MMD2: variants seen among roughly 807,000 people sequenced by gnomAD.
MMD2 encodes monocyte to macrophage differentiation factor 2.
Under a neutral mutation model 33.5 loss-of-function variants are expected in MMD2, and 30 were observed. The ratio of observed to expected loss-of-function variants is 0.90; its 90% CI spans 0.67 to 1.22. MMD2 has a LOEUF of 1.22. MMD2 is among the 50% of genes most tolerant of loss of function. The probability of loss-of-function intolerance (pLI) is 0.00; values close to 1 mark genes in which losing one functional copy is unlikely to be tolerated. For missense variants in MMD2, 364 were observed against 325.4 expected, an observed-to-expected ratio of 1.12 and a Z score of -0.91; for synonymous variants, 129 against 123.0, an observed-to-expected ratio of 1.05 and a Z score of -0.32.
intron 6 of MMD2, among the ~76,000 whole-genome samples, chr7:4,909,096 T>C (rs1304273886): frequency 6.6e-6 from 1 of 152,038 alleles, no homozygotes; most frequent in Non-Finnish European, 1.5e-5. Flanking sequence ...TGTTTTTGCT[T>C]CATGGCAAAA....
intron 4 of MMD2, among the ~76,000 whole-genome samples, chr7:4,912,131 A>T (rs184603577): frequency 5.9e-5 from 9 of 152,046 alleles, no homozygotes; most frequent in Admixed American, 1.3e-4. Context: ...AATAATAATT[A>T]AAAAATAAAA....
At position 4,940,450 on chromosome 7, in the gene MMD2, G is replaced by A. The variant is rs1190373647; in HGVS notation, c.48-14918C>T. 3.3e-5 allele frequency among the ~76,000 whole-genome samples: 5 copies of A among 152,228 alleles called. No homozygotes were observed. Among genetic ancestry groups the A allele is most frequent in the African/African-American group, 4.8e-5 (2 of 41,478 alleles). On this transcript the variant is annotated intron_variant, in intron 1 of 6. Coordinates refer to ENST00000401401, the MANE Select transcript of MMD2 (RefSeq NM_198403.4). This position sits in a 1 kb window ranked among gnomAD's most constrained non-coding sequence, Gnocchi z 5.0. ...GCGACCCTGAGTCCCTTGGACAGAG[G>A]ACTAGAGAGATTTGCCCGGGCTCCT...
At chr7:4,926,911 A>T (rs1264091151) in intron 1 of MMD2, among the ~76,000 whole-genome samples, 1 of 151,680 alleles carries the variant, frequency 6.6e-6, no homozygotes, top group Non-Finnish European at 1.5e-5. Context: ...TGCCCAGCTG[A>T]TTTTTTATAT....
At chr7:4,929,436 C>A (rs1390935907) in intron 1 of MMD2, among the ~76,000 whole-genome samples, 1 of 152,164 alleles carries the variant, frequency 6.6e-6, no homozygotes, top group African/African-American at 2.4e-5. Context: ...GAACACGCCG[C>A]CCATCCACCC....
intron 2 of MMD2, among the ~76,000 whole-genome samples, chr7:4,924,033 A>C (rs1319016289): frequency 1.3e-5 from 2 of 152,150 alleles, no homozygotes; most frequent in African/African-American, 4.8e-5. Flanking sequence ...TCTACTAAAA[A>C]TACAAAAAAT....
intron 2 of MMD2, among the ~76,000 whole-genome samples, 197 bp from the exon 3 acceptor site, chr7:4,920,528 C>A (rs1785254037): frequency 6.6e-6 from 1 of 151,122 alleles, no homozygotes; most frequent in South Asian, 2.1e-4. Flanking sequence ...TTCCTTCCCT[C>A]CCTCCCTCTC....
At chr7:4,910,685 G>C (rs766993919) in intron 5 of MMD2, among the ~76,000 whole-genome samples, 31 of 152,166 alleles carry the variant, frequency 2.0e-4, no homozygotes, top group Non-Finnish European at 4.0e-4. Flanking sequence ...CTGGAGCGCA[G>C]TGGCACGCTC....
downstream of MMD2, among the ~76,000 whole-genome samples, chr7:4,903,434 G>A (rs889442001): frequency 7.9e-5 from 12 of 151,660 alleles, no homozygotes; most frequent in East Asian, 7.9e-4. Flanking sequence ...TCTCCCTCGC[G>A]GAGCCTGAAG....
At chr7:4,937,783 T>A (rs1393130442) in intron 1 of MMD2, among the ~76,000 whole-genome samples, 3 of 151,694 alleles carry the variant, frequency 2.0e-5, no homozygotes, top group Non-Finnish European at 4.4e-5. Flanking sequence ...TAGCTAGGAC[T>A]ACAGGTGTGC....
intron 1 of MMD2, among the ~76,000 whole-genome samples, chr7:4,927,095 C>T (rs1369164818): frequency 6.6e-6 from 1 of 152,034 alleles, no homozygotes; most frequent in Non-Finnish European, 1.5e-5. Context: ...GAACAGACCA[C>T]AAGTGAATTC....
In MMD2 at chr7:4,907,374, G is replaced by A. The variant is rs1443763992; in HGVS notation, c.*22C>T. The A allele has an allele frequency of 4.3e-6, 7 of 1,612,158 alleles. No individual in the cohort carries two copies. The highest frequency in any genetic ancestry group is 3.3e-5 in the Admixed American group (2 of 59,988). On this transcript the variant is annotated 3_prime_UTR_variant, in exon 7 of 7. Coordinates refer to ENST00000401401, the MANE Select transcript of MMD2 (RefSeq NM_198403.4). The stretch of plus-strand genomic sequence containing the variant: ...CGTGCTCCACTCCTAAAGCCCAAAC[G>A]ACCTCTCAAGTCTGGGTCACCTCAT...
chr7:4,893,257 A>C, the MMD2 span, among the ~76,000 whole-genome samples: 1 of 152,106 alleles, frequency 6.6e-6, no homozygotes, highest in Admixed American at 6.6e-5. Flanking sequence ...GGGAGAGCCC[A>C]CAGAGTAAAG....
intron 1 of MMD2, among the ~76,000 whole-genome samples, chr7:4,936,185 CAAAAAAAAAAAAAAA>C (rs1268635347): frequency 2.4e-5 from 2 of 84,126 alleles, no homozygotes; most frequent in Non-Finnish European, 5.4e-5. Context: ...AACTCTGTCT[CAAAAAAAAAAAAAAA>C]GGAAAAAAAA....
At chr7:4,944,462 T>C (rs1357971246) in intron 1 of MMD2, among the ~76,000 whole-genome samples, 1 of 152,158 alleles carries the variant, frequency 6.6e-6, no homozygotes, top group African/African-American at 2.4e-5. Flanking sequence ...CACCCCACGC[T>C]GGATCTGTGG....
chr7:4,924,238 CAAGTGTGGTCCAGGCACACACT>C (rs1188291862), intron 2 of MMD2, among the ~76,000 whole-genome samples: 3 of 152,190 alleles, frequency 2.0e-5, no homozygotes, highest in African/African-American at 7.2e-5. Flanking sequence ...ACAACAGAAC[CAAGTGTGGTCCAGGCACACACT>C]AAGTTCGAAT....
chr7:4,910,891 C>T (rs925698824), intron 5 of MMD2, among the ~76,000 whole-genome samples: 4 of 152,138 alleles, frequency 2.6e-5, no homozygotes, highest in South Asian at 2.1e-4. Flanking sequence ...GTGGATCACT[C>T]GGCCTCCCAA....
At chr7:4,901,840 T>C (rs1019547398), downstream of MMD2, among the ~76,000 whole-genome samples, 24 of 152,270 alleles carry the variant, frequency 1.6e-4, no homozygotes, top group Middle Eastern at 3.2e-3. Flanking sequence ...ATTACATACA[T>C]TGCTTTTCAT....
At chr7:4,921,403 G>A (rs897249163) in intron 2 of MMD2, among the ~76,000 whole-genome samples, 10 of 151,758 alleles carry the variant, frequency 6.6e-5, no homozygotes, top group East Asian at 1.9e-4. Flanking sequence ...GGCAGATCAC[G>A]AGGTCAGGAG....
chr7:4,908,695 G>A (rs541777585), intron 6 of MMD2, among the ~76,000 whole-genome samples: 3 of 151,406 alleles, frequency 2.0e-5, no homozygotes, highest in Non-Finnish European at 2.9e-5. Flanking sequence ...TCAGGAGTTC[G>A]AGACCAGCCT....
Sources: gnomAD v4.1 joint callset for allele counts (sites outside exome capture counted in the v4.1 genomes callset) on GRCh38, gnomAD v4.1.1 for gene constraint, Gnocchi (gnomAD v3.1) non-coding constraint, MANE v1.5 for transcripts, NCBI Gene and HGNC (gene_info 2026-07-23, HGNC 2026-07-21) for gene names.